The following PLCB1 variants were observed in gnomAD, a reference collection of about 807,000 sequenced individuals.
PLCB1 encodes the protein 1-phosphatidylinositol 4,5-bisphosphate phosphodiesterase beta-1.
Under a neutral mutation model 161.8 loss-of-function variants are expected in PLCB1, and 46 were observed. That is an observed-to-expected ratio of 0.28 (90% CI 0.22 to 0.36). The LOEUF is 0.36. Ranked by LOEUF, PLCB1 falls within the 10% of genes least tolerant of loss-of-function variation. The pLI, the probability that PLCB1 is intolerant of heterozygous loss-of-function variation, is 1.00. For synonymous variants in PLCB1, 517 were observed against 503.7 expected (o/e 1.03, Z -0.35); for missense variants, 1,016 against 1,472.5 (o/e 0.69, Z 5.07).
chr20:8,716,033 A>C (rs1452063835), intron 12 of PLCB1: 1 of 508,082 alleles, frequency 2.0e-6, no homozygotes, highest in Non-Finnish European at 3.5e-6. Context: ...ACCTATGTCT[A>C]TGCAGGTCTG....
At chr20:8,588,750 C>T (rs895767835) in intron 3 of PLCB1, among the ~76,000 whole-genome samples, 2 of 152,180 alleles carry the variant, frequency 1.3e-5, no homozygotes, top group Non-Finnish European at 2.9e-5. Context: ...AAAGAAAATA[C>T]AATTCTCCTG....
At chr20:8,330,814 C>T (rs771202815) in intron 2 of PLCB1, among the ~76,000 whole-genome samples, 46 of 152,250 alleles carry the variant, frequency 3.0e-4, no homozygotes, top group Admixed American at 1.4e-3. Context: ...ACAACATTAG[C>T]ATCTACATCC....
intron 14 of PLCB1, among the ~76,000 whole-genome samples, chr20:8,719,282 C>G (rs912366642): frequency 6.6e-6 from 1 of 152,138 alleles, no homozygotes; most frequent in Non-Finnish European, 1.5e-5. Context: ...TATGCACTCC[C>G]TGTACCTCGG....
rs551438340 is a variant in PLCB1, at chr20:8,154,608, T to C, written c.177+4237T>C. Among the ~76,000 whole-genome samples, 3 of 152,330 alleles carry C rather than the reference T, an allele frequency of 2.0e-5. No individual in the cohort carries two copies. The South Asian group carries it at 6.2e-4, about 32-fold the overall frequency. On this transcript the variant is annotated intron_variant, in intron 2 of 31. Coordinates refer to ENST00000338037, the MANE Select transcript of PLCB1 (RefSeq NM_015192.4). ...TTTTCTTAAGCCCAACCAACAGTAA[T>C]AGGAAATATTTTAATTTTTGCCTAA...
intron 2 of PLCB1, among the ~76,000 whole-genome samples, chr20:8,265,816 G>C (rs1214835304): frequency 6.6e-6 from 1 of 152,096 alleles, no homozygotes; most frequent in Non-Finnish European, 1.5e-5. Context: ...ACAGTATTTA[G>C]TGTTTTGTGA....
chr20:8,626,740 CTGAGTG>C (rs1300535990), intron 3 of PLCB1, among the ~76,000 whole-genome samples: 1 of 152,124 alleles, frequency 6.6e-6, no homozygotes, highest in African/African-American at 2.4e-5. Context: ...TTTTTCTCTT[CTGAGTG>C]TACCAAAAAG....
intron 3 of PLCB1, among the ~76,000 whole-genome samples, chr20:8,565,363 T>A (rs991495550): frequency 6.6e-6 from 1 of 151,872 alleles, no homozygotes; most frequent in Non-Finnish European, 1.5e-5. Flanking sequence ...GGCATGGATA[T>A]CATTAGGAGA....
intron 2 of PLCB1, among the ~76,000 whole-genome samples, chr20:8,313,867 C>T (rs1203061567): frequency 6.6e-6 from 1 of 152,180 alleles, no homozygotes; most frequent in East Asian, 1.9e-4. Context: ...ATATCTGTGT[C>T]ATTGTTCAAG....
chr20:8,476,122 T>C (rs1982268177), intron 3 of PLCB1, among the ~76,000 whole-genome samples: 2 of 152,200 alleles, frequency 1.3e-5, no homozygotes, highest in South Asian at 4.1e-4. Flanking sequence ...CCCCCACGGC[T>C]ACTGGTGGTC....
intron 3 of PLCB1, among the ~76,000 whole-genome samples, chr20:8,447,777 T>C (rs1291661054): frequency 6.6e-6 from 1 of 152,190 alleles, no homozygotes; most frequent in Non-Finnish European, 1.5e-5. Context: ...CTATGCGGAA[T>C]ATGATTTTAG....
chr20:8,440,227 A>G (rs997783047), intron 3 of PLCB1, among the ~76,000 whole-genome samples: 6 of 152,192 alleles, frequency 3.9e-5, no homozygotes, highest in African/African-American at 9.6e-5. Context: ...TGAAAAATGT[A>G]TATCTAAGGC....
intron 18 of PLCB1, 32 bp from the exon 19 acceptor site, chr20:8,733,206 C>T (rs577729743): frequency 6.2e-7 from 1 of 1,606,968 alleles, no homozygotes; most frequent in Admixed American, 1.7e-5. Context: ...TATAGATAAA[C>T]TCACAATAAG....
intron 2 of PLCB1, among the ~76,000 whole-genome samples, chr20:8,250,469 C>T (rs760705100): frequency 2.6e-5 from 4 of 151,794 alleles, no homozygotes; most frequent in Non-Finnish European, 5.9e-5. Flanking sequence ...GATTTTGCAT[C>T]TGTAAGGTGG....
At chr20:8,388,798 C>A (rs1172769466) in intron 3 of PLCB1, among the ~76,000 whole-genome samples, 1 of 152,092 alleles carries the variant, frequency 6.6e-6, no homozygotes, top group African/African-American at 2.4e-5. Flanking sequence ...GACAGCTATT[C>A]ACATTTATCT....
intron 2 of PLCB1, among the ~76,000 whole-genome samples, chr20:8,270,532 G>A (rs144230542): frequency 1.2e-3 from 177 of 152,204 alleles, no homozygotes; most frequent in African/African-American, 4.1e-3. Context: ...TTTCATATAT[G>A]TTACAGCATC....
intron 10 of PLCB1, among the ~76,000 whole-genome samples, chr20:8,686,958 T>C (rs1990373374): frequency 6.6e-6 from 1 of 152,160 alleles, no homozygotes; most frequent in Admixed American, 6.6e-5. Context: ...AAAGATAATT[T>C]TTTTTTGTCT....
intron 31 of PLCB1, among the ~76,000 whole-genome samples, chr20:8,828,142 C>G (rs1803412750): frequency 6.6e-6 from 1 of 152,006 alleles, no homozygotes; most frequent in Non-Finnish European, 1.5e-5. Flanking sequence ...GTGGGATATC[C>G]TGCATTGGGG....
chr20:8,352,063 TA>T (rs1176402477), intron 2 of PLCB1, among the ~76,000 whole-genome samples: 1 of 152,094 alleles, frequency 6.6e-6, no homozygotes, highest in Non-Finnish European at 1.5e-5. Context: ...GCCTTATTCT[TA>T]ATAACCCAAA....
chr20:8,607,126 C>T (rs1324460758), intron 3 of PLCB1, among the ~76,000 whole-genome samples: 4 of 152,154 alleles, frequency 2.6e-5, no homozygotes, highest in African/African-American at 9.7e-5. Flanking sequence ...CACCATTTAC[C>T]ACAGTCCCAC....
Sources: allele counts gnomAD v4.1 joint callset (sites outside exome capture counted in the v4.1 genomes callset), GRCh38; gene constraint gnomAD v4.1.1; transcripts MANE v1.5; gene names NCBI Gene and HGNC (gene_info 2026-07-23, HGNC 2026-07-21).